The following ENDOD1 variants were observed in gnomAD, a reference collection of about 807,000 sequenced individuals.
The protein encoded by ENDOD1 is endonuclease domain-containing 1 protein.
In ENDOD1, 9 loss-of-function variants were observed where a neutral mutation model predicts 6.5. The ratio of observed to expected loss-of-function variants is 1.39; its 90% CI spans 0.84 to 2.43. The LOEUF (loss-of-function observed/expected upper bound fraction) is 2.43, where lower values mean the gene tolerates loss of function less well. Among genes scored for constraint, ENDOD1 ranks in the 30% most tolerant of loss-of-function variants. ENDOD1 has a pLI of 0.00. For synonymous variants in ENDOD1, 255 were observed against 255.2 expected, an observed-to-expected ratio of 1.00 and a Z score of 0.01; for missense variants, 648 against 635.5, an observed-to-expected ratio of 1.02 and a Z score of -0.21.
intron 1 of ENDOD1, among the ~76,000 whole-genome samples, chr11:95,116,962 C>A (rs1384168075): frequency 6.6e-6 from 1 of 152,160 alleles, no homozygotes; most frequent in Non-Finnish European, 1.5e-5. Flanking sequence ...GATTAAATAT[C>A]TATTAGATCC....
intron 1 of ENDOD1, among the ~76,000 whole-genome samples, chr11:95,116,526 A>T (rs1237334522): frequency 6.6e-6 from 1 of 151,858 alleles, no homozygotes; most frequent in Non-Finnish European, 1.5e-5. Flanking sequence ...TCTTCTACTA[A>T]TTTTGGCTTG....
At chr11:95,102,815 A>T (rs1859053832) in intron 1 of ENDOD1, among the ~76,000 whole-genome samples, 1 of 152,188 alleles carries the variant, frequency 6.6e-6, no homozygotes, top group African/African-American at 2.4e-5. Context: ...GCTCTTTAAG[A>T]TCTTTAAAAT....
chr11:95,099,474 C>A (rs1227895079), intron 1 of ENDOD1, among the ~76,000 whole-genome samples: 1 of 152,236 alleles, frequency 6.6e-6, no homozygotes, highest in Non-Finnish European at 1.5e-5. Flanking sequence ...CAGAGCTCCG[C>A]TCCTTGAGCA....
Position 95,116,424 on chromosome 11 carries a change from A to G in ENDOD1, c.301-11953A>G, listed in dbSNP as rs367574093. On this transcript the variant is annotated intron_variant, in intron 1 of 1. Transcript: ENST00000278505. ...CTGGCTACTAAGTCAGTTTTGTTCA[A>G]CTTTTCAAAAAATCAACTTTTTGTT... 2.6e-3 allele frequency among the ~76,000 whole-genome samples: 395 copies of G among 151,942 alleles called. 10 individuals are homozygous for G. In the South Asian group the frequency reaches 0.032, roughly 12 times the overall value.
Position 95,101,428 on chromosome 11 carries a change from T to A in ENDOD1, c.300+11201T>A, listed in dbSNP as rs1191476221. Reference sequence around the variant, plus strand: ...GCGAACTGTGCAATCCTGTTCTTATTATGGCACAGCAGCCTAGATGTACAC... The same window carrying A: ...GCGAACTGTGCAATCCTGTTCTTATAATGGCACAGCAGCCTAGATGTACAC... On this transcript the variant is annotated intron_variant, in intron 1 of 1. Coordinates refer to ENST00000278505, the MANE Select transcript of ENDOD1 (RefSeq NM_015036.3). Among the ~76,000 whole-genome samples the A allele has an allele frequency of 5.9e-5, 5 of 85,430 alleles. No homozygotes were observed. The Admixed American group carries it at 6.2e-4, about 11-fold the overall frequency. 56.0% of individuals were successfully genotyped at this position (85,430 alleles called of 152,430 possible).
chr11:95,103,671 C>T (rs1206950993), intron 1 of ENDOD1, among the ~76,000 whole-genome samples: 3 of 152,142 alleles, frequency 2.0e-5, no homozygotes, highest in African/African-American at 7.2e-5. Context: ...TAGTGGGAGT[C>T]CCACCTCTGC....
intron 1 of ENDOD1, among the ~76,000 whole-genome samples, chr11:95,091,087 C>T (rs184069100): frequency 6.6e-5 from 10 of 152,256 alleles, no homozygotes; most frequent in Admixed American, 3.9e-4. Flanking sequence ...ACTTGAGAAG[C>T]CCTCAGAGTC....
At chr11:95,128,264 C>A in intron 1 of ENDOD1, 113 bp from the exon 2 acceptor site, 1 of 1,234,686 alleles carries the variant, frequency 8.1e-7, no homozygotes, top group Non-Finnish European at 1.1e-6. Flanking sequence ...CAAACTCAAG[C>A]GTTTGAAGTA....
Position 95,129,371 on chromosome 11 carries a change from G to A in ENDOD1, c.1295G>A (p.Arg432His), listed in dbSNP as rs200109009. ...AICRVLSIPVRVLVDVATFPV... is the reference protein window; with the variant it reads ...AICRVLSIPVHVLVDVATFPV... ...TGCCGAGTTCTGAGCATCCCTGTCC[G>A]TGTCCTTGTGGATGTGGCCACTTTC... The change falls in exon 2 of 2, where the codon CGT becomes CAT. Residue 432 changes from arginine (R) to histidine (H), a missense_variant. Coordinates refer to ENST00000278505, the MANE Select transcript of ENDOD1 (RefSeq NM_015036.3). 7.4e-5 allele frequency: 119 copies of A among 1,614,148 alleles called. No individual in the cohort carries two copies. In the African/African-American group the frequency reaches 8.9e-4, roughly 12 times the overall value.
intron 1 of ENDOD1, among the ~76,000 whole-genome samples, chr11:95,101,969 G>A (rs749844986): frequency 5.3e-5 from 8 of 151,752 alleles, no homozygotes; most frequent in Non-Finnish European, 1.0e-4. Context: ...CAGTTGTCCA[G>A]CTACATTGCA....
At chr11:95,121,676 C>A (rs1240116818) in intron 1 of ENDOD1, among the ~76,000 whole-genome samples, 1 of 152,158 alleles carries the variant, frequency 6.6e-6, no homozygotes, top group Non-Finnish European at 1.5e-5. Context: ...GTTTTACTGT[C>A]TGATATAAGG....
intron 1 of ENDOD1, among the ~76,000 whole-genome samples, chr11:95,101,499 GGTT>G (rs1859040545): frequency 6.7e-6 from 1 of 148,722 alleles, no homozygotes; most frequent in South Asian, 2.2e-4. Context: ...CGGTGGTAGT[GGTT>G]GTTATTTACA....
chr11:95,111,598 C>T (rs1859151098), intron 1 of ENDOD1, among the ~76,000 whole-genome samples: 1 of 151,950 alleles, frequency 6.6e-6, no homozygotes, highest in African/African-American at 2.4e-5. Flanking sequence ...ACCTAGATCC[C>T]TCACATGTGC....
chr11:95,091,302 C>G (rs1213492630), intron 1 of ENDOD1, among the ~76,000 whole-genome samples: 1 of 152,240 alleles, frequency 6.6e-6, no homozygotes, highest in African/African-American at 2.4e-5. Flanking sequence ...CTTTCAGGTG[C>G]TTTATTCAGA....
chr11:95,099,659 G>T (rs1859019501), intron 1 of ENDOD1, among the ~76,000 whole-genome samples: 1 of 152,204 alleles, frequency 6.6e-6, no homozygotes, highest in Admixed American at 6.5e-5. Context: ...AACTCAGAAC[G>T]TATACCTCCT....
At chr11:95,114,877 T>C (rs1418511320) in intron 1 of ENDOD1, among the ~76,000 whole-genome samples, 4 of 152,230 alleles carry the variant, frequency 2.6e-5, no homozygotes, top group African/African-American at 9.6e-5. Flanking sequence ...ACCAGTAACA[T>C]GCTGTTTAGG....
chr11:95,098,147 G>C (rs1859004152), intron 1 of ENDOD1, among the ~76,000 whole-genome samples: 1 of 152,122 alleles, frequency 6.6e-6, no homozygotes, highest in South Asian at 2.1e-4. Flanking sequence ...TTTCAGATCT[G>C]AGATGCTCAA....
At position 95,129,577 on chromosome 11, in the gene ENDOD1, T is replaced by C. The variant is rs1275881983; in HGVS notation, c.1501T>C (p.Ter501GlnextTer11). Reference sequence around the variant, plus strand: ...TACTTTTGACAATTCTGGGGAGTTATAAACTCAAAAAACTAATAGTATCCA... The same window carrying C: ...TACTTTTGACAATTCTGGGGAGTTACAAACTCAAAAAACTAATAGTATCCA... Reference protein sequence around the residue: ...KVTFDNSGEL* With the variant: ...KVTFDNSGELQ Residue 501 changes from the stop codon to glutamine (Q), a stop_lost, in exon 2 of 2, where the codon TAA becomes CAA. Coordinates refer to ENST00000278505, the MANE Select transcript of ENDOD1 (RefSeq NM_015036.3). 3.1e-6 allele frequency: 5 copies of C among 1,606,412 alleles called. No homozygotes were observed. Among genetic ancestry groups the C allele is most frequent in the Middle Eastern group, 1.7e-4 (1 of 5,996 alleles).
chr11:95,092,789 C>A (rs1337182503), intron 1 of ENDOD1, among the ~76,000 whole-genome samples: 1 of 152,170 alleles, frequency 6.6e-6, no homozygotes, highest in African/African-American at 2.4e-5. Flanking sequence ...TCCCTGAGGC[C>A]CTGCCTCCCA....
Sources: gnomAD v4.1 joint callset for allele counts (sites outside exome capture counted in the v4.1 genomes callset) on GRCh38, gnomAD v4.1.1 for gene constraint, MANE v1.5 for transcripts, NCBI Gene and HGNC (gene_info 2026-07-23, HGNC 2026-07-21) for gene names.